The following TMEM255A variants were observed in gnomAD, a reference collection of about 807,000 sequenced individuals.
TMEM255A encodes the protein family with sequence similarity 70, member A.
A neutral mutation model predicts 23.5 loss-of-function variants in TMEM255A; 14 were observed. That is an observed-to-expected ratio of 0.60 (90% CI 0.39 to 0.93). TMEM255A has a LOEUF of 0.93. TMEM255A is among the 40% of genes least tolerant of loss of function. TMEM255A has a pLI of 0.00. For missense variants in TMEM255A, 233 were observed against 261.7 expected (o/e 0.89, Z 0.76); for synonymous variants, 104 against 100.3 (o/e 1.04, Z -0.22).
At position 120,267,365 on chromosome X, in the gene TMEM255A, T is replaced by C. The variant is rs781879674; in HGVS notation, c.819+879A>G. On this transcript the variant is annotated intron_variant, in intron 8 of 8. Coordinates refer to ENST00000371369, the MANE Select transcript of TMEM255A (RefSeq NM_001104544.3). The stretch of plus-strand genomic sequence containing the variant: ...TGTACTTTTATGTCCCCATGGAACA[T>C]TCATGGTCTCTTGATCAATAGAAGC... Among the ~76,000 whole-genome samples, 4 of 112,399 alleles carry C rather than the reference T, an allele frequency of 3.6e-5. No homozygotes were observed. In the South Asian group the frequency reaches 1.5e-3, roughly 41 times the overall value.
chrX:120,286,753 T>C lies in TMEM255A; in HGVS notation c.423+401A>G, dbSNP rs2057877652. ...GGAACTCAGGCTCTGCCTCCGTAGTTCAGGCCTAGTGCCCTGGTGGGGCTT... is the reference window on the plus strand; with the variant it reads ...GGAACTCAGGCTCTGCCTCCGTAGTCCAGGCCTAGTGCCCTGGTGGGGCTT... On this transcript the variant is annotated intron_variant, in intron 5 of 8. Coordinates refer to ENST00000371369, the MANE Select transcript of TMEM255A (RefSeq NM_001104544.3). 2.7e-5 allele frequency among the ~76,000 whole-genome samples: 3 copies of C among 111,788 alleles called. No individual in the cohort carries two copies. The South Asian group carries it at 1.1e-3, about 42-fold the overall frequency.
At chrX:120,292,624 G>GTGATATGCACCTGT (rs1423495884) in intron 3 of TMEM255A, among the ~76,000 whole-genome samples, 1 of 110,717 alleles carries the variant, frequency 9.0e-6, no homozygotes, top group Non-Finnish European at 1.9e-5. Context: ...GCCAGGCATG[G>GTGATATGCACCTGT]TGATATGCAC....
the TMEM255A span, among the ~76,000 whole-genome samples, chrX:120,251,445 C>G: frequency 1.8e-5 from 2 of 110,292 alleles, no homozygotes; most frequent in South Asian, 7.9e-4. Context: ...TCTACTTTCC[C>G]TGGTACCCCA....
chrX:120,287,319 A>ACACACACACACG (rs2057884054), intron 4 of TMEM255A, 97 bp from the exon 5 acceptor site: 1 of 551,578 alleles, frequency 1.8e-6, no homozygotes, highest in African/African-American at 2.3e-5. Context: ...ACACACACAC[A>ACACACACACACG]CACACACACA....
intron 2 of TMEM255A, among the ~76,000 whole-genome samples, chrX:120,297,458 G>A (rs187708394): frequency 9.2e-6 from 1 of 108,286 alleles, no homozygotes; most frequent in African/African-American, 3.3e-5. Flanking sequence ...AATACGTATT[G>A]AGTCATGGCT....
chrX:120,266,950 CT>C (rs2057722014), intron 8 of TMEM255A, among the ~76,000 whole-genome samples: 1 of 112,267 alleles, frequency 8.9e-6, no homozygotes, highest in Non-Finnish European at 1.9e-5. Context: ...ATTTTCTAAG[CT>C]TTAACCCATT....
chrX:120,291,200 G>T, intron 4 of TMEM255A, 51 bp downstream of exon 4: 1 of 966,275 alleles, frequency 1.0e-6, no homozygotes, highest in South Asian at 2.0e-5. Flanking sequence ...CATTCAGTGG[G>T]GCCTTGTTGT....
rs1482785353 is a variant in TMEM255A at position 120,259,435 on chromosome X, A to AT, written c.*1434dup. ...TGATGGCTAAGTGTCTACAAGGTAG[A>AT]TGGGAGCACCAGCATTTGCGCTACC... On this transcript the variant is annotated 3_prime_UTR_variant, in exon 9 of 9. Coordinates refer to ENST00000371369, the MANE Select transcript of TMEM255A (RefSeq NM_001104544.3). 1 of 112,412 alleles carries AT rather than the reference A, an allele frequency of 8.9e-6. No individual in the cohort carries two copies. The highest frequency in any genetic ancestry group is 3.2e-5 in the African/African-American group (1 of 30,825). 9.3% of individuals were successfully genotyped at this position (112,412 alleles called of 1,213,427 possible).
At chrX:120,309,228 A>G (rs2147225280) in intron 1 of TMEM255A, among the ~76,000 whole-genome samples, 1 of 113,068 alleles carries the variant, frequency 8.8e-6, no homozygotes, top group Admixed American at 9.2e-5. Flanking sequence ...GACTTCAAAA[A>G]GTGGAATGCG....
At chrX:120,256,927 A>G (rs1556015583), downstream of TMEM255A, 1 of 122,433 alleles carries the variant, frequency 8.2e-6, no homozygotes, top group Non-Finnish European at 1.9e-5. Context: ...ATTTTAAAAT[A>G]TAGTCTATTT....
chrX:120,295,955 C>T (rs1052132025), intron 2 of TMEM255A, among the ~76,000 whole-genome samples: 2 of 111,664 alleles, frequency 1.8e-5, no homozygotes, highest in Non-Finnish European at 3.8e-5. Context: ...TAATTATGTG[C>T]TCTATTTTGT....
intron 3 of TMEM255A, 96 bp downstream of exon 3, chrX:120,293,893 C>G (rs2057934354): frequency 1.5e-6 from 1 of 652,415 alleles, no homozygotes. Context: ...CCTTTTATGA[C>G]CAAATCACAC....
chrX:120,270,389 T>G, intron 7 of TMEM255A, among the ~76,000 whole-genome samples: 1 of 99,306 alleles, frequency 1.0e-5, no homozygotes, highest in Non-Finnish European at 2.0e-5. Flanking sequence ...ATCAGTAGCA[T>G]TCCGAGCTCC....
At chrX:120,284,378 G>C (rs2057858353) in intron 6 of TMEM255A, among the ~76,000 whole-genome samples, 1 of 111,467 alleles carries the variant, frequency 9.0e-6, no homozygotes, top group South Asian at 3.8e-4. Flanking sequence ...CTTTGCACTT[G>C]CTATTCCCTC....
chrX:120,303,076 A>G (rs1269962776), intron 2 of TMEM255A, among the ~76,000 whole-genome samples: 2 of 111,269 alleles, frequency 1.8e-5, no homozygotes, highest in East Asian at 5.6e-4. Flanking sequence ...ATATGATCTC[A>G]CCTCTAGAGT....
chrX:120,298,489 A>G, intron 2 of TMEM255A, among the ~76,000 whole-genome samples: 1 of 111,833 alleles, frequency 8.9e-6, no homozygotes, highest in East Asian at 2.8e-4. Flanking sequence ...ATGTGAGGTT[A>G]TATTATCATC....
intron 6 of TMEM255A, among the ~76,000 whole-genome samples, chrX:120,283,541 C>T (rs1253794184): frequency 9.0e-6 from 1 of 111,067 alleles, no homozygotes; most frequent in African/African-American, 3.3e-5. Context: ...TCTGCAGGTT[C>T]CTCCCCTTAC....
At chrX:120,270,443 C>T (rs1181137276) in intron 7 of TMEM255A, among the ~76,000 whole-genome samples, 2 of 108,700 alleles carry the variant, frequency 1.8e-5, no homozygotes, top group Admixed American at 2.0e-4. Flanking sequence ...ATGGTGAAAG[C>T]AATCTTGCCT....
chrX:120,265,988 C>CAAAAAAA (rs782107279), intron 8 of TMEM255A, among the ~76,000 whole-genome samples: 8 of 68,731 alleles, frequency 1.2e-4, no homozygotes, highest in Non-Finnish European at 1.6e-4. Flanking sequence ...ACAAAAGATA[C>CAAAAAAA]AAAAAAAAAA....
Sources: gnomAD v4.1 joint callset for allele counts (sites outside exome capture counted in the v4.1 genomes callset) on GRCh38, gnomAD v4.1.1 for gene constraint, MANE v1.5 for transcripts, NCBI Gene and HGNC (gene_info 2026-07-23, HGNC 2026-07-21) for gene names.